Variants in BPTF observed in about 807,000 individuals in gnomAD.
BPTF encodes the protein bromodomain PHD finger transcription factor.
BPTF carries 18 observed loss-of-function variants against 292.5 expected under a neutral mutation model. That is an observed-to-expected ratio of 0.06 (90% CI 0.04 to 0.09). The LOEUF (loss-of-function observed/expected upper bound fraction) is 0.09, where lower values mean the gene tolerates loss of function less well. BPTF is among the 10% of genes least tolerant of loss of function. BPTF has a pLI of 1.00. For missense variants in BPTF, 2,726 were observed against 3,498.7 expected, an observed-to-expected ratio of 0.78 and a Z score of 5.57; for synonymous variants, 1,225 against 1,251.9, an observed-to-expected ratio of 0.98 and a Z score of 0.45.
intron 2 of BPTF, among the ~76,000 whole-genome samples, chr17:67,858,084 C>T (rs2058828004): frequency 6.6e-6 from 1 of 152,174 alleles, no homozygotes; most frequent in Non-Finnish European, 1.5e-5. Context: ...CCGTGCCCGG[C>T]TAACAATATT....
At chr17:67,880,117 T>TTATA (rs1306036939) in intron 4 of BPTF, among the ~76,000 whole-genome samples, 1 of 152,194 alleles carries the variant, frequency 6.6e-6, no homozygotes, top group African/African-American at 2.4e-5. Context: ...CGTATCTTTT[T>TTATA]TATATATATA....
intron 1 of BPTF, among the ~76,000 whole-genome samples, chr17:67,842,498 C>G (rs541539287): frequency 2.2e-4 from 34 of 152,130 alleles, no homozygotes; most frequent in Admixed American, 9.2e-4. Context: ...CTCTAAACTC[C>G]AGTTATGTAT....
intron 26 of BPTF, among the ~76,000 whole-genome samples, chr17:67,968,938 G>T (rs948152157): frequency 6.6e-6 from 1 of 151,174 alleles, no homozygotes; most frequent in Non-Finnish European, 1.5e-5. Context: ...CCGAGATCGC[G>T]CCATTGCACT....
intron 26 of BPTF, among the ~76,000 whole-genome samples, chr17:67,971,169 C>G (rs1555690624): frequency 6.6e-6 from 1 of 152,190 alleles, no homozygotes; most frequent in Admixed American, 6.5e-5. Flanking sequence ...ACCTCAGCCT[C>G]CCGGGTTCAA....
At position 67,893,132 on chromosome 17, in the gene BPTF, G is replaced by C. The variant is rs2061232467; in HGVS notation, c.2056-238G>C. ...ATGAAAGCAGTGAATAATAGTATCTGACATGTAATAGGTACTTAATATGTG... is the reference window on the plus strand; with the variant it reads ...ATGAAAGCAGTGAATAATAGTATCTCACATGTAATAGGTACTTAATATGTG... On this transcript the variant is annotated intron_variant, in intron 5 of 27. Coordinates refer to ENST00000306378, the MANE Select transcript of BPTF (RefSeq NM_182641.4). The C allele has an allele frequency of 6.1e-6, 3 of 495,334 alleles. No homozygotes were observed. In the Admixed American group the frequency reaches 1.1e-4, roughly 19 times the overall value. The allele number at this position is 495,334 out of a possible 1,614,324, so 30.7% of individuals were successfully genotyped here.
At chr17:67,973,056 A>G (rs1228605052) in intron 26 of BPTF, among the ~76,000 whole-genome samples, 1 of 143,268 alleles carries the variant, frequency 7.0e-6, no homozygotes, top group Admixed American at 7.2e-5. Context: ...TATATATTTT[A>G]TATATATATA....
intron 1 of BPTF, among the ~76,000 whole-genome samples, chr17:67,844,218 G>T (rs896728015): frequency 4.1e-4 from 62 of 150,694 alleles, no homozygotes; most frequent in African/African-American, 1.3e-3. Flanking sequence ...TAGCTAGCTG[G>T]GACTACAGGC....
chr17:67,944,524 C>T (rs552907751), intron 20 of BPTF, 152 bp downstream of exon 20: 11 of 822,220 alleles, frequency 1.3e-5, no homozygotes, highest in South Asian at 3.5e-5. Context: ...CACAACGTCT[C>T]GAAGCTTTTG....
At chr17:67,877,239 A>AG (rs1389871617) in intron 4 of BPTF, among the ~76,000 whole-genome samples, 1 of 152,206 alleles carries the variant, frequency 6.6e-6, no homozygotes, top group African/African-American at 2.4e-5. Flanking sequence ...AGTGGGCAGT[A>AG]GACGGACTTA....
intron 4 of BPTF, among the ~76,000 whole-genome samples, chr17:67,879,587 C>T (rs1325444017): frequency 6.6e-6 from 1 of 152,054 alleles, no homozygotes; most frequent in Non-Finnish European, 1.5e-5. Flanking sequence ...GTATCTAAGG[C>T]TGGTGGTTTA....
chr17:67,952,265 CTTT>C (rs56131244), intron 23 of BPTF, among the ~76,000 whole-genome samples: 20 of 93,724 alleles, frequency 2.1e-4, no homozygotes, highest in Non-Finnish European at 3.3e-4. Context: ...TTTTAATAGG[CTTT>C]TTTTTTTTTT....
Position 67,891,832 on chromosome 17 carries a change from T to C in BPTF, c.1865-12T>C. On this transcript the variant is annotated splice_polypyrimidine_tract_variant and intron_variant, in intron 4 of 27. Transcript: ENST00000306378. ...TTGTCAGCAATTGCTTTGTGGCCTA[T>C]TCATTTGACAGTAGGTGATTTCAAA... 6.4e-7 allele frequency: 1 copy of C among 1,564,762 alleles called. No homozygotes were observed. The highest frequency in any genetic ancestry group is 1.2e-5 in the South Asian group (1 of 83,976).
Position 67,853,935 on chromosome 17 carries a change from T to C in BPTF, c.614-5T>C, listed in dbSNP as rs1171087781. 2 of 1,602,566 alleles carry C rather than the reference T, an allele frequency of 1.2e-6. No individual in the cohort carries two copies. The highest frequency in any genetic ancestry group is 8.5e-7 in the Non-Finnish European group (1 of 1,172,264). ...TTTGTAATGATGTCACGTCTTTATC[T>C]ACAGGTAGGCGAAAACCAAGAGTAC... On this transcript the variant is annotated splice_region_variant and splice_polypyrimidine_tract_variant and intron_variant, in intron 1 of 27. Coordinates refer to ENST00000306378, the MANE Select transcript of BPTF (RefSeq NM_182641.4).
At chr17:67,888,615 T>TAAAAAAAAAAAAAAAAAAAAAAAA (rs2060901759) in intron 4 of BPTF, among the ~76,000 whole-genome samples, 1 of 148,114 alleles carries the variant, frequency 6.8e-6, no homozygotes. Context: ...AAAAAAAAAT[T>TAAAAAAAAAAAAAAAAAAAAAAAA]AAATTCCAGT....
intron 4 of BPTF, among the ~76,000 whole-genome samples, chr17:67,882,438 T>A (rs1189474533): frequency 6.6e-6 from 1 of 152,254 alleles, no homozygotes; most frequent in African/African-American, 2.4e-5. Flanking sequence ...TACATTTGTA[T>A]ATCTGTTCCC....
intron 14 of BPTF, among the ~76,000 whole-genome samples, chr17:67,923,371 T>C (rs904467133): frequency 1.3e-5 from 2 of 151,542 alleles, no homozygotes; most frequent in African/African-American, 4.8e-5. Context: ...AAGAACACTT[T>C]AATCATTTAT....
At position 67,966,666 on chromosome 17, in the gene BPTF, T is replaced by C; in HGVS notation, c.8539+10T>C. 6.7e-7 allele frequency: 1 copy of C among 1,495,476 alleles called. No individual in the cohort carries two copies. The highest frequency in any genetic ancestry group is 8.9e-7 in the Non-Finnish European group (1 of 1,117,324). The allele number at this position is 1,495,476 out of a possible 1,614,324, so 92.6% of individuals were successfully genotyped here. A position where few individuals can be genotyped will look rare whatever the true frequency, so the allele number is the denominator to read the frequency against. ...ATTAAGGAACCTATGGGTAAGTACA[T>C]GAGTTGAATATGAAGTTTTTCAGAA... On this transcript the variant is annotated intron_variant, in intron 26 of 27. Transcript: ENST00000306378.
At chr17:67,831,930 C>G (rs973300089) in intron 1 of BPTF, among the ~76,000 whole-genome samples, 1 of 152,152 alleles carries the variant, frequency 6.6e-6, no homozygotes. Flanking sequence ...CTCACTCTGT[C>G]ACCCAGGCTG....
intron 10 of BPTF, 34 bp downstream of exon 10, chr17:67,909,795 G>T: frequency 6.8e-7 from 1 of 1,470,788 alleles, no homozygotes; most frequent in Non-Finnish European, 9.0e-7. Context: ...GCAGCCTGGG[G>T]GTGATAAGAA....
Sources: gnomAD v4.1 joint callset for allele counts (sites outside exome capture counted in the v4.1 genomes callset) on GRCh38, gnomAD v4.1.1 for gene constraint, MANE v1.5 for transcripts, NCBI Gene and HGNC (gene_info 2026-07-23, HGNC 2026-07-21) for gene names.